Variants in EPM2A observed in about 807,000 individuals in gnomAD.
EPM2A encodes laforin.
EPM2A carries 21 observed loss-of-function variants against 26.5 expected under a neutral mutation model. The observed-to-expected ratio is 0.79, with a 90% CI of 0.56 to 1.14. The LOEUF (loss-of-function observed/expected upper bound fraction) is 1.14, where lower values mean the gene tolerates loss of function less well. Ranked by LOEUF, EPM2A falls within the 50% of genes most tolerant of loss-of-function variation. The pLI is 0.00. For synonymous variants in EPM2A, 217 were observed against 177.6 expected (o/e 1.22, Z -1.76); for missense variants, 458 against 440.8 (o/e 1.04, Z -0.35).
intron 4 of EPM2A, among the ~76,000 whole-genome samples, chr6:145,457,172 C>T (rs928252384): frequency 3.3e-5 from 5 of 152,124 alleles, no homozygotes; most frequent in African/African-American, 1.2e-4. Flanking sequence ...AGTTTTTCTG[C>T]TAATAAGTCA....
intron 2 of EPM2A, among the ~76,000 whole-genome samples, chr6:145,648,676 G>C (rs905180454): frequency 6.6e-6 from 1 of 152,086 alleles, no homozygotes; most frequent in African/African-American, 2.4e-5. Context: ...TGAGGCAGTG[G>C]GGTGGCACCC....
rs1285099383 is a variant in EPM2A, at chr6:145,465,577, G to C, written c.555+36945C>G. Among the ~76,000 whole-genome samples, 4 of 151,116 alleles carry C rather than the reference G, an allele frequency of 2.6e-5. No individual in the cohort carries two copies. In the South Asian group the frequency reaches 8.4e-4, roughly 32 times the overall value. ...TTAGAGTTTCCAGTTTTTCTGCTCT[G>C]TTTTTTCCCCATCTTTGTGGTTTTA... is the stretch of plus-strand genomic sequence containing the variant. On this transcript the variant is annotated intron_variant, in intron 4 of 4. Coordinates refer to the EPM2A transcript ENST00000638717.
intron 2 of EPM2A, among the ~76,000 whole-genome samples, chr6:145,525,819 T>C (rs1038428108): frequency 2.0e-5 from 3 of 152,036 alleles, no homozygotes; most frequent in African/African-American, 7.2e-5. Flanking sequence ...CTATGACTTC[T>C]AATACTATGA....
intron 4 of EPM2A, among the ~76,000 whole-genome samples, chr6:145,486,222 C>A (rs1779669538): frequency 6.6e-6 from 1 of 152,162 alleles, no homozygotes; most frequent in Admixed American, 6.5e-5. Flanking sequence ...TAGCAGGCTG[C>A]AGATGAAGGT....
At position 145,494,997 on chromosome 6, in the gene EPM2A, A is replaced by G. The variant is rs187290011; in HGVS notation, c.555+7525T>C. Among the ~76,000 whole-genome samples, 16 of 152,286 alleles carry G rather than the reference A, an allele frequency of 1.1e-4. No homozygotes were observed. In the East Asian group the frequency reaches 3.1e-3, roughly 29 times the overall value. On this transcript the variant is annotated intron_variant, in intron 4 of 4. Transcript: ENST00000638717. ...TGGATGGAGAGTTCTGTAGATACCT[A>G]TCGGGTCCCTTTGATCCAGACCTGA...
intron 4 of EPM2A, among the ~76,000 whole-genome samples, chr6:145,446,148 T>C (rs1480609777): frequency 1.3e-5 from 2 of 152,140 alleles, no homozygotes; most frequent in African/African-American, 4.8e-5. Flanking sequence ...AGTCTGTGGG[T>C]GATGCAGCCC....
intron 4 of EPM2A, among the ~76,000 whole-genome samples, chr6:145,400,222 C>T (rs2114665892): frequency 6.6e-6 from 1 of 152,264 alleles, no homozygotes; most frequent in African/African-American, 2.4e-5. Flanking sequence ...TTGATGCTGA[C>T]TGAGAAATCT....
At chr6:145,472,804 C>A (rs1393240920) in intron 4 of EPM2A, among the ~76,000 whole-genome samples, 3 of 152,118 alleles carry the variant, frequency 2.0e-5, no homozygotes, top group Non-Finnish European at 4.4e-5. Flanking sequence ...AAAGGCGATA[C>A]CTCTACAAGT....
At chr6:145,582,704 A>G (rs1781132040) in intron 2 of EPM2A, among the ~76,000 whole-genome samples, 2 of 152,166 alleles carry the variant, frequency 1.3e-5, no homozygotes. Context: ...AGGCTTCTGT[A>G]GTGATACTGG....
intron 1 of EPM2A, among the ~76,000 whole-genome samples, chr6:145,706,831 GT>G (rs762038748): frequency 6.6e-6 from 1 of 152,108 alleles, no homozygotes; most frequent in Non-Finnish European, 1.5e-5. Context: ...ACTTGCTATA[GT>G]TTAAGTGTTT....
At chr6:145,601,146 T>C (rs1310779454) in intron 2 of EPM2A, among the ~76,000 whole-genome samples, 1 of 152,238 alleles carries the variant, frequency 6.6e-6, no homozygotes, top group East Asian at 1.9e-4. Flanking sequence ...CACTTATTTA[T>C]ATTAGATTTT....
chr6:145,598,469 T>C (rs552974162), intron 2 of EPM2A, among the ~76,000 whole-genome samples: 5 of 152,312 alleles, frequency 3.3e-5, no homozygotes, highest in Non-Finnish European at 5.9e-5. Context: ...AGATAATATC[T>C]ATAAGATAGT....
chr6:145,451,619 C>A (rs972976345), intron 4 of EPM2A, among the ~76,000 whole-genome samples: 1 of 152,112 alleles, frequency 6.6e-6, no homozygotes, highest in Admixed American at 6.5e-5. Flanking sequence ...TAGGTATAGT[C>A]TATAAAGCCG....
rs1016373044 is a variant in EPM2A, at chr6:145,626,652, T to C, written c.*764A>G. ...ATAAATATAGATTATTAACTCCAGC[T>C]TGCCCTTGACTGGTCATGAGACCTT... On this transcript the variant is annotated 3_prime_UTR_variant, in exon 4 of 4. Coordinates refer to ENST00000367519, the MANE Select transcript of EPM2A (RefSeq NM_005670.4). The C allele has an allele frequency of 5.1e-6, 5 of 980,480 alleles. No individual in the cohort carries two copies. In the Admixed American group the frequency reaches 3.1e-4, roughly 60 times the overall value. 60.7% of individuals were successfully genotyped at this position (980,480 alleles called of 1,614,324 possible).
intron 2 of EPM2A, chr6:145,502,630 C>G (rs1779908096): frequency 2.1e-6 from 1 of 469,794 alleles, no homozygotes. Context: ...CAGTGCCAGC[C>G]TTGCTCAAGA....
intron 2 of EPM2A, among the ~76,000 whole-genome samples, chr6:145,511,195 C>G (rs1223253536): frequency 1.3e-5 from 2 of 151,556 alleles, no homozygotes; most frequent in African/African-American, 4.8e-5. Context: ...GTACAAAGAT[C>G]TGGTACCAAT....
At chr6:145,705,552 C>T in intron 1 of EPM2A, 1 of 456,336 alleles carries the variant, frequency 2.2e-6, no homozygotes. Context: ...GAGACCCTGT[C>T]TCAAAACAAA....
Position 145,703,771 on chromosome 6 carries a change from T to A in EPM2A, c.302-17475A>T, listed in dbSNP as rs546998523. 2.6e-3 allele frequency among the ~76,000 whole-genome samples: 396 copies of A among 152,312 alleles called. 2 individuals carry two copies. Among genetic ancestry groups the A allele is most frequent in the African/African-American group, 9.2e-3 (383 of 41,574 alleles). On this transcript the variant is annotated intron_variant, in intron 1 of 3. Transcript: ENST00000367519. ...GGAATTATTCACCAAGCTTTACAAGTATACTTTTCTTATTTAACTCATCTT... is the reference window on the plus strand; with the variant it reads ...GGAATTATTCACCAAGCTTTACAAGAATACTTTTCTTATTTAACTCATCTT...
chr6:145,626,012 C>A lies in EPM2A; in HGVS notation c.*1404G>T, dbSNP rs1775785753. The A allele has an allele frequency of 8.9e-7, 1 of 1,119,868 alleles. No homozygotes were observed. Among genetic ancestry groups the A allele is most frequent in the Non-Finnish European group, 1.2e-6 (1 of 862,976 alleles). The allele number at this position is 1,119,868 out of a possible 1,614,324, so 69.4% of individuals were successfully genotyped here. A position where few individuals can be genotyped will look rare whatever the true frequency, so the allele number is the denominator to read the frequency against. On this transcript the variant is annotated 3_prime_UTR_variant, in exon 4 of 4. Transcript: ENST00000367519. ...TAGACAGTTGAGTTAACCCTTCTGA[C>A]CTTAGTTTCCCCATCTTTATCATGG... is the stretch of plus-strand genomic sequence containing the variant.
Sources: gnomAD v4.1 joint callset for allele counts (sites outside exome capture counted in the v4.1 genomes callset) on GRCh38, gnomAD v4.1.1 for gene constraint, MANE v1.5 for transcripts, NCBI Gene and HGNC (gene_info 2026-07-23, HGNC 2026-07-21) for gene names.